WDR11: variants seen among roughly 807,000 people sequenced by gnomAD.
WDR11 encodes the protein WD repeat-containing protein 11.
A neutral mutation model predicts 151.2 loss-of-function variants in WDR11; 83 were observed. That is an observed-to-expected ratio of 0.55 (90% CI 0.46 to 0.66). The LOEUF is 0.66. Ranked by LOEUF, WDR11 falls within the 30% of genes least tolerant of loss-of-function variation. The pLI, the probability that WDR11 is intolerant of heterozygous loss-of-function variation, is 0.00. For synonymous variants in WDR11, 484 were observed against 533.1 expected, an observed-to-expected ratio of 0.91 and a Z score of 1.27; for missense variants, 1,301 against 1,480.9, an observed-to-expected ratio of 0.88 and a Z score of 1.99.
intron 4 of WDR11, among the ~76,000 whole-genome samples, chr10:120,860,733 A>C (rs947475994): frequency 2.0e-5 from 3 of 152,250 alleles, no homozygotes; most frequent in African/African-American, 7.2e-5. Flanking sequence ...AAATAAGCCT[A>C]AGCAAGTTTT....
intron 5 of WDR11, among the ~76,000 whole-genome samples, chr10:120,863,229 T>G (rs1309742384): frequency 6.6e-6 from 1 of 152,180 alleles, no homozygotes; most frequent in Non-Finnish European, 1.5e-5. Flanking sequence ...TTGAATGCAT[T>G]AAAAATTTGG....
chr10:120,883,829 G>A lies in WDR11; in HGVS notation c.1789G>A (p.Val597Ile), dbSNP rs759046945. The change falls in exon 14 of 29, where the codon GTT (valine) becomes ATT (isoleucine). Residue 597 changes from valine to isoleucine, a missense_variant. Val to Ile is a conservative substitution (Grantham distance 29). Transcript: ENST00000263461. Reference sequence around the variant, plus strand: ...AGATAAACCCCTGGAGCTATGGGATGTTAGGACTTGTACCCTTCTTAGAGA... The same window carrying A: ...AGATAAACCCCTGGAGCTATGGGATATTAGGACTTGTACCCTTCTTAGAGA... ...FRDKPLELWDVRTCTLLREMS... is the reference protein window; with the variant it reads ...FRDKPLELWDIRTCTLLREMS... 3.1e-6 allele frequency: 5 copies of A among 1,613,526 alleles called. No individual in the cohort carries two copies. In the South Asian group the frequency reaches 4.4e-5, roughly 14 times the overall value.
At chr10:120,858,394 G>T (rs1412521340) in intron 2 of WDR11, among the ~76,000 whole-genome samples, 1 of 152,084 alleles carries the variant, frequency 6.6e-6, no homozygotes, top group Non-Finnish European at 1.5e-5. Flanking sequence ...AAATATTAAG[G>T]CTGTGAATCA....
chr10:120,851,834 T>G, intron 1 of WDR11: 1 of 451,222 alleles, frequency 2.2e-6, no homozygotes, highest in Non-Finnish European at 4.1e-6. Flanking sequence ...CCACCATTAA[T>G]TCCCTGTGCA....
intron 13 of WDR11, 112 bp from the exon 14 acceptor site, chr10:120,883,668 A>C: frequency 1.2e-6 from 1 of 825,320 alleles, no homozygotes; most frequent in Non-Finnish European, 2.0e-6. Context: ...TAAATTGTCT[A>C]TATTTAGAAT....
intron 9 of WDR11, among the ~76,000 whole-genome samples, chr10:120,868,289 A>T (rs910167500): frequency 6.6e-6 from 1 of 151,992 alleles, no homozygotes; most frequent in Non-Finnish European, 1.5e-5. Flanking sequence ...CCCTGTCTCT[A>T]CTAAAAATAT....
In WDR11 at chr10:120,871,315, C is replaced by T. The variant is rs377672790; in HGVS notation, c.1440C>T (p.Asn480=). ...IRMCPPLTTK[N]IKMYQPLLAV... ...TGTGTCCACCGTTGACCACAAAAAA[C>T]ATCAAGATGTATCAGCCACTGCTGG... The change falls in exon 10 of 29, where the codon AAC becomes AAT. Residue 480 remains asparagine, a synonymous_variant. Transcript: ENST00000263461. 9.9e-6 allele frequency: 16 copies of T among 1,613,932 alleles called. No individual in the cohort carries two copies. Among genetic ancestry groups the T allele is most frequent in the African/African-American group, 1.3e-5 (1 of 74,876 alleles).
At chr10:120,862,020 A>T (rs1846156207) in intron 4 of WDR11, among the ~76,000 whole-genome samples, 1 of 152,240 alleles carries the variant, frequency 6.6e-6, no homozygotes. Context: ...ATTTGGTATC[A>T]TCAAATAAAA....
At chr10:120,892,756 C>T (rs1022182169) in intron 19 of WDR11, among the ~76,000 whole-genome samples, 17 of 152,122 alleles carry the variant, frequency 1.1e-4, no homozygotes, top group Non-Finnish European at 2.2e-4. Flanking sequence ...AAAGAGGGGG[C>T]AGTCAGACAA....
intron 19 of WDR11, among the ~76,000 whole-genome samples, chr10:120,894,485 C>T (rs1847535765): frequency 1.3e-5 from 2 of 152,156 alleles, no homozygotes; most frequent in Non-Finnish European, 2.9e-5. Context: ...GAAGAATTGT[C>T]CTGCCCCAAA....
intron 9 of WDR11, among the ~76,000 whole-genome samples, chr10:120,870,025 T>G (rs1356273892): frequency 1.3e-5 from 2 of 152,170 alleles, no homozygotes; most frequent in East Asian, 1.9e-4. Flanking sequence ...TCTGACCTCG[T>G]GATCCGGTTG....
chr10:120,908,605 C>A lies in WDR11; in HGVS notation c.3567C>A (p.Asn1189Lys). The A allele has an allele frequency of 1.2e-6, 2 of 1,614,228 alleles. No homozygotes were observed. The highest frequency in any genetic ancestry group is 1.7e-6 in the Non-Finnish European group (2 of 1,180,040). ...CAGATTATGCCCGGAGTTTGAAGAA[C>A]CTCGGTTTTAAGCAGGGAGCAGTTC... ...IYADYARSLK[N>K]LGFKQGAVLF... Residue 1189 changes from asparagine (N) to lysine (K), a missense_variant, in exon 29 of 29, where the codon AAC becomes AAA. Coordinates refer to ENST00000263461, the MANE Select transcript of WDR11 (RefSeq NM_018117.12).
rs1845764269 is a variant in WDR11, at chr10:120,851,403, C to T, written c.-18C>T. 25 of 1,603,824 alleles carry T rather than the reference C, an allele frequency of 1.6e-5. No individual in the cohort carries two copies. The highest frequency in any genetic ancestry group is 2.0e-5 in the Non-Finnish European group (24 of 1,176,272). On this transcript the variant is annotated 5_prime_UTR_variant, in exon 1 of 29. Transcript: ENST00000263461. ...CCTGGTTGCGGGTCAGCGCCCAGGT[C>T]CTGGGCTGGCCGCCGGGATGTTGCC...
chr10:120,871,429 CT>C (rs1479801674), intron 10 of WDR11, 83 bp downstream of exon 10: 2 of 1,405,538 alleles, frequency 1.4e-6, no homozygotes, highest in Non-Finnish European at 2.0e-6. Flanking sequence ...ATCCTTTATT[CT>C]TTTTGAGGAT....
chr10:120,891,714 G>C (rs776952207), intron 19 of WDR11, among the ~76,000 whole-genome samples: 3 of 152,310 alleles, frequency 2.0e-5, no homozygotes, highest in Non-Finnish European at 4.4e-5. Context: ...ACACAGTAAG[G>C]TTTTAAAAAC....
intron 19 of WDR11, among the ~76,000 whole-genome samples, chr10:120,897,172 C>G (rs1847643105): frequency 6.6e-6 from 1 of 152,092 alleles, no homozygotes. Context: ...ACCAAAGAAA[C>G]CCTCACTCCA....
At chr10:120,885,666 A>G (rs1426240508) in intron 14 of WDR11, 148 bp from the exon 15 acceptor site, 2 of 1,027,942 alleles carry the variant, frequency 1.9e-6, no homozygotes, top group Non-Finnish European at 2.9e-6. Context: ...CCTTTCTCTA[A>G]GTAGGTAAAA....
intron 2 of WDR11, among the ~76,000 whole-genome samples, chr10:120,854,360 CTG>C (rs1845878583): frequency 6.6e-6 from 1 of 152,206 alleles, no homozygotes; most frequent in South Asian, 2.1e-4. Flanking sequence ...TATCAATACT[CTG>C]TTACTGATGA....
intron 2 of WDR11, among the ~76,000 whole-genome samples, chr10:120,857,882 A>T (rs900009382): frequency 2.0e-5 from 3 of 152,238 alleles, no homozygotes; most frequent in African/African-American, 7.2e-5. Context: ...ACTCATGAAT[A>T]GGCAAAAAGA....
Sources: allele counts gnomAD v4.1 joint callset (sites outside exome capture counted in the v4.1 genomes callset), GRCh38; gene constraint gnomAD v4.1.1; transcripts MANE v1.5; gene names NCBI Gene and HGNC (gene_info 2026-07-23, HGNC 2026-07-21).